The following WNK4 variants were observed in gnomAD, a reference collection of about 807,000 sequenced individuals.
WNK4 encodes the protein WNK lysine deficient protein kinase 4, also known as serine/threonine-protein kinase WNK4.
Under a neutral mutation model 116.2 loss-of-function variants are expected in WNK4, and 94 were observed. The observed-to-expected ratio is 0.81, with a 90% CI of 0.68 to 0.96. The LOEUF is 0.96. Ranked by LOEUF, WNK4 falls within the 40% of genes least tolerant of loss-of-function variation. WNK4 has a pLI of 0.00. For missense variants in WNK4, 1,542 were observed against 1,650.6 expected (o/e 0.93, Z 1.14); for synonymous variants, 655 against 672.7 (o/e 0.97, Z 0.41).
rs61754349 is a variant in WNK4 at position 42,784,247 on chromosome 17, A to G, written c.1012+90A>G. 547 of 1,570,898 alleles carry G rather than the reference A, an allele frequency of 3.5e-4. No homozygotes were observed. The highest frequency in any genetic ancestry group is 3.7e-4 in the Non-Finnish European group (429 of 1,149,404). On this transcript the variant is annotated intron_variant, in intron 3 of 18. Coordinates refer to ENST00000246914, the MANE Select transcript of WNK4 (RefSeq NM_032387.5). The surrounding 1 kb of genome is among the most constrained non-coding windows in gnomAD (Gnocchi z 4.4). ...CTCCCTCCCCTCAGCAAGGGCCTTC[A>G]AGGTCCACAAAACTACCAGACGACA...
In WNK4 at chr17:42,785,347, C is replaced by A; in HGVS notation, c.1341C>A (p.Asp447Glu). 2 of 1,610,550 alleles carry A rather than the reference C, an allele frequency of 1.2e-6. No homozygotes were observed. The highest frequency in any genetic ancestry group is 1.7e-6 in the Non-Finnish European group (2 of 1,178,548). ...ACGTGGAACTAGCGGAGGAGGACGA[C>A]GGCGAGAAGCCGGGCCTCAAGCTCT... is the stretch of plus-strand genomic sequence containing the variant. ...GVHVELAEEDDGEKPGLKLWL... is the reference protein window; with the variant it reads ...GVHVELAEEDEGEKPGLKLWL... Residue 447 changes from aspartate to glutamate, a missense_variant, in exon 6 of 19, where the codon GAC becomes GAA. Coordinates refer to ENST00000246914, the MANE Select transcript of WNK4 (RefSeq NM_032387.5).
chr17:42,783,715 A>G (rs2054509176), intron 2 of WNK4: 2 of 597,892 alleles, frequency 3.3e-6, no homozygotes, highest in Admixed American at 2.8e-5. Context: ...CCGAGGCCCT[A>G]TCTATCAATT....
rs748769734 is a variant in WNK4 at position 42,795,995 on chromosome 17, T to C, written c.3393T>C (p.Asp1131=). The change falls in exon 16 of 19, where the codon GAT becomes GAC. Residue 1131 remains aspartate, a synonymous_variant. Transcript: ENST00000246914. The stretch of plus-strand genomic sequence containing the variant: ...AGGAGTCAGAAAGCAGTGGGGAAGA[T>C]GAGGAGTTCTGGGCTGAGCTGCAGA... ...SSEESESSGE[D]EEFWAELQSL... is the part of the protein sequence containing the mutation. 1.9e-6 allele frequency: 3 copies of C among 1,613,528 alleles called. No individual in the cohort carries two copies. The highest frequency in any genetic ancestry group is 2.2e-5 in the East Asian group (1 of 44,872).
rs2054575083 is a variant in WNK4 at position 42,788,415 on chromosome 17, T to C, written c.2040+8T>C. On this transcript the variant is annotated splice_region_variant and intron_variant, in intron 10 of 18. Transcript: ENST00000246914. ...CGGCTGCGGGTCACTAGTGTAAGGA[T>C]GGAGTACAGGAGATAGAGAGTAACC... 1.2e-6 allele frequency: 2 copies of C among 1,611,354 alleles called. No homozygotes were observed. Among genetic ancestry groups the C allele is most frequent in the Non-Finnish European group, 1.7e-6 (2 of 1,179,206 alleles).
In WNK4 at chr17:42,787,849, C is replaced by T. The variant is rs950999148; in HGVS notation, c.1813C>T (p.Pro605Ser). The T allele has an allele frequency of 4.3e-6, 7 of 1,612,192 alleles. No homozygotes were observed. The highest frequency in any genetic ancestry group is 5.9e-6 in the Non-Finnish European group (7 of 1,180,028). Residue 605 changes from proline (P) to serine (S), a missense_variant, in exon 8 of 19, where the codon CCT becomes TCT. Pro to Ser is a moderately conservative substitution (Grantham distance 74, BLOSUM62 -1). Around this residue, in one of 7 missense-constraint regions of WNK4, gnomAD observed 808 missense variants for 873.6 expected, o/e 0.92. Coordinates refer to ENST00000246914, the MANE Select transcript of WNK4 (RefSeq NM_032387.5). ...LDASDPALQP[P>S]GGVPSSLAES... ...TGCCTCAGACCCTGCCCTTCAGCCC[C>T]CTGGGGGGGTGCCATCCAGCCTGGC...
At chr17:42,794,002 G>A (rs1342891758) in intron 12 of WNK4, 2 of 403,396 alleles carry the variant, frequency 5.0e-6, no homozygotes, top group East Asian at 6.0e-5. Flanking sequence ...ACAGGCGCTC[G>A]CCACCACACC....
At chr17:42,785,628 C>T (rs2054540469) in intron 6 of WNK4, 146 bp downstream of exon 6, 2 of 1,058,508 alleles carry the variant, frequency 1.9e-6, no homozygotes, top group Admixed American at 2.1e-5. Context: ...CAGCGTCTCC[C>T]TACCTCTCCA....
In WNK4 at chr17:42,782,074, T is replaced by A. The variant is rs1435543343; in HGVS notation, c.619-684T>A. Among the ~76,000 whole-genome samples, 1 of 152,126 alleles carries A rather than the reference T, an allele frequency of 6.6e-6. No homozygotes were observed. Among genetic ancestry groups the A allele is most frequent in the Non-Finnish European group, 1.5e-5 (1 of 68,000 alleles). On this transcript the variant is annotated intron_variant, in intron 1 of 18. Coordinates refer to ENST00000246914, the MANE Select transcript of WNK4 (RefSeq NM_032387.5). This position sits in a 1 kb window ranked among gnomAD's most constrained non-coding sequence, Gnocchi z 4.2. ...CAACTTGGGGCCTGAAGCTTCCGAT[T>A]CAGATCAGGGGACAGAGCCTAGGGG... is the stretch of plus-strand genomic sequence containing the variant.
intron 11 of WNK4, among the ~76,000 whole-genome samples, chr17:42,789,194 G>A (rs1187666402): frequency 6.6e-6 from 1 of 152,108 alleles, no homozygotes; most frequent in Non-Finnish European, 1.5e-5. Flanking sequence ...CCCTGTGCAG[G>A]GACAGCATAA....
chr17:42,783,078 C>T (rs142940431), intron 2 of WNK4, 148 bp downstream of exon 2: 10 of 1,087,856 alleles, frequency 9.2e-6, no homozygotes, highest in Admixed American at 4.2e-5. Context: ...GTCCCTGCCT[C>T]GGTGAGTGGC....
rs538506458 is a variant in WNK4, at chr17:42,785,553, G to T, written c.1476+71G>T. On this transcript the variant is annotated intron_variant, in intron 6 of 18. Coordinates refer to ENST00000246914, the MANE Select transcript of WNK4 (RefSeq NM_032387.5). ...TTGACTCGAGGGGACAGTGCAACAG[G>T]GATGGGGCGCAGGAGGGGTGGCAGC... 32 of 1,533,612 alleles carry T rather than the reference G, an allele frequency of 2.1e-5. No homozygotes were observed. In the South Asian group the frequency reaches 3.6e-4, roughly 17 times the overall value.
At position 42,782,906 on chromosome 17, in the gene WNK4, T is replaced by C. The variant is rs747301058; in HGVS notation, c.767T>C (p.Leu256Pro). 6.2e-7 allele frequency: 1 copy of C among 1,614,142 alleles called. No individual in the cohort carries two copies. Among genetic ancestry groups the C allele is most frequent in the East Asian group, 2.2e-5 (1 of 44,882 alleles). Reference sequence around the variant, plus strand: ...GTTTGCATCGTGCTGGTCACCGAACTCATGACCTCGGGCACGCTCAAGACG... The same window carrying C: ...GTTTGCATCGTGCTGGTCACCGAACCCATGACCTCGGGCACGCTCAAGACG... ...GQVCIVLVTELMTSGTLKTYL... is the reference protein window; with the variant it reads ...GQVCIVLVTEPMTSGTLKTYL... The change falls in exon 2 of 19, where the codon CTC becomes CCC. Residue 256 changes from leucine (L) to proline (P), a missense_variant. By Grantham distance (98) the Leu-to-Pro change is moderately conservative. Transcript: ENST00000246914. The surrounding 1 kb of genome is among the most constrained non-coding windows in gnomAD (Gnocchi z 4.2).
At position 42,783,916 on chromosome 17, in the gene WNK4, T is replaced by C. The variant is rs768815411; in HGVS notation, c.792-21T>C. 3 of 1,607,548 alleles carry C rather than the reference T, an allele frequency of 1.9e-6. No individual in the cohort carries two copies. The African/African-American group carries it at 4.0e-5, about 21-fold the overall frequency. On this transcript the variant is annotated intron_variant, in intron 2 of 18. Transcript: ENST00000246914. ...AGGACGTGTCCCCCCACCAGGACTC[T>C]GGCTATGCGCCCTCCCCCAGGTACC... is the stretch of plus-strand genomic sequence containing the variant.
In WNK4 at chr17:42,781,121, G is replaced by T; in HGVS notation, c.423G>T (p.Arg141Ser). 1 of 1,614,024 alleles carries T rather than the reference G, an allele frequency of 6.2e-7. No individual in the cohort carries two copies. The highest frequency in any genetic ancestry group is 8.5e-7 in the Non-Finnish European group (1 of 1,179,978). Residue 141 changes from arginine to serine, a missense_variant, in exon 1 of 19, where the codon AGG (arginine) becomes AGT (serine). By Grantham distance (110) the Arg-to-Ser change is moderately radical. Coordinates refer to ENST00000246914, the MANE Select transcript of WNK4 (RefSeq NM_032387.5). Reference protein sequence around the residue: ...AVGPGSREPLRVPEAVALERR... With the variant: ...AVGPGSREPLSVPEAVALERR... ...GCCCGGGGTCCAGGGAGCCGCTAAGGGTCCCTGAAGCTGTGGCCCTAGAGC... is the reference window on the plus strand; with the variant it reads ...GCCCGGGGTCCAGGGAGCCGCTAAGTGTCCCTGAAGCTGTGGCCCTAGAGC...
At position 42,782,839 on chromosome 17, in the gene WNK4, G is replaced by T; in HGVS notation, c.700G>T (p.Val234Phe). ...MLKGLQHPNIVRFYDSWKSVL... is the reference protein window; with the variant it reads ...MLKGLQHPNIFRFYDSWKSVL... The stretch of plus-strand genomic sequence containing the variant: ...CAAGGGGCTGCAGCACCCCAACATC[G>T]TCCGCTTCTATGATTCGTGGAAGTC... Residue 234 changes from valine to phenylalanine, a missense_variant, in exon 2 of 19, where the codon GTC becomes TTC. Val to Phe is a conservative substitution (Grantham distance 50). Transcript: ENST00000246914. This position sits in a 1 kb window ranked among gnomAD's most constrained non-coding sequence, Gnocchi z 4.2. The T allele has an allele frequency of 6.2e-7, 1 of 1,614,150 alleles. No homozygotes were observed. The highest frequency in any genetic ancestry group is 2.2e-5 in the East Asian group (1 of 44,868).
rs1464807630 is a variant in WNK4, at chr17:42,788,705, G to A, written c.2065G>A (p.Val689Ile). Residue 689 changes from valine to isoleucine, a missense_variant, in exon 11 of 19, where the codon GTT (valine) becomes ATT (isoleucine). By Grantham distance (29) the Val-to-Ile change is conservative. Around this residue, in one of 7 missense-constraint regions of WNK4, gnomAD observed 808 missense variants for 873.6 expected, o/e 0.92. Transcript: ENST00000246914. ...TSVSDQNDRV[V>I]ECQLQTHNSK... ...GGTCTCAGACCAGAATGACAGAGTG[G>A]TTGAGTGCCAGCTACAGACCCATAA... is the stretch of plus-strand genomic sequence containing the variant. 1.2e-6 allele frequency: 2 copies of A among 1,614,136 alleles called. No homozygotes were observed. The highest frequency in any genetic ancestry group is 1.7e-6 in the Non-Finnish European group (2 of 1,180,014).
In WNK4 at chr17:42,796,949, C is replaced by A; in HGVS notation, c.*261C>A. 1.5e-6 allele frequency: 1 copy of A among 646,782 alleles called. No homozygotes were observed. Among genetic ancestry groups the A allele is most frequent in the East Asian group, 2.9e-5 (1 of 34,808 alleles). The allele number at this position is 646,782 out of a possible 1,614,324, so 40.1% of individuals were successfully genotyped here. ...CACCTCCCCTGCCAAGAGTCAACCA[C>A]TAAGCAATCCCACCCAAGCCTGGAT... On this transcript the variant is annotated 3_prime_UTR_variant, in exon 19 of 19. Coordinates refer to ENST00000246914, the MANE Select transcript of WNK4 (RefSeq NM_032387.5).
At position 42,782,407 on chromosome 17, in the gene WNK4, C is replaced by A. The variant is rs1364260581; in HGVS notation, c.619-351C>A. 6.6e-6 allele frequency among the ~76,000 whole-genome samples: 1 copy of A among 152,214 alleles called. No individual in the cohort carries two copies. The highest frequency in any genetic ancestry group is 2.4e-5 in the African/African-American group (1 of 41,424). ...CAGTATCCTGCTGCCCGCCTGCTGC[C>A]TGCTCACTGCCAGCCCCCGGGTGCC... On this transcript the variant is annotated intron_variant, in intron 1 of 18. Coordinates refer to ENST00000246914, the MANE Select transcript of WNK4 (RefSeq NM_032387.5). The surrounding 1 kb of genome is among the most constrained non-coding windows in gnomAD (Gnocchi z 4.2).
At chr17:42,789,500 T>C (rs2054586808) in intron 11 of WNK4, among the ~76,000 whole-genome samples, 1 of 151,454 alleles carries the variant, frequency 6.6e-6, no homozygotes, top group Non-Finnish European at 1.5e-5. Context: ...CCGTCTCTAC[T>C]AAAAAATACA....
Sources: gnomAD v4.1 joint callset for allele counts (sites outside exome capture counted in the v4.1 genomes callset) on GRCh38, gnomAD v4.1.1 for gene constraint, gnomAD v4.1.1 regional missense constraint, Gnocchi (gnomAD v3.1) non-coding constraint, MANE v1.5 for transcripts, NCBI Gene and HGNC (gene_info 2026-07-23, HGNC 2026-07-21) for gene names.